The following SUPT16H variants were observed in gnomAD, a reference collection of about 807,000 sequenced individuals.
SUPT16H encodes the protein SPT16 homolog, facilitates chromatin remodeling subunit, also known as FACT complex subunit SPT16.
Under a neutral mutation model 136.2 loss-of-function variants are expected in SUPT16H, and 24 were observed. That is an observed-to-expected ratio of 0.18 (90% CI 0.13 to 0.25). The LOEUF (loss-of-function observed/expected upper bound fraction) is 0.25, where lower values mean the gene tolerates loss of function less well. Ranked by LOEUF, SUPT16H falls within the 10% of genes least tolerant of loss-of-function variation. The probability of loss-of-function intolerance (pLI) is 1.00; values close to 1 mark genes in which losing one functional copy is unlikely to be tolerated. For missense variants in SUPT16H, 623 were observed against 1,270.2 expected (o/e 0.49, Z 7.74); for synonymous variants, 415 against 428.2 (o/e 0.97, Z 0.38).
chr14:21,368,103 T>C (rs920328945), intron 7 of SUPT16H, among the ~76,000 whole-genome samples, 166 bp downstream of exon 7: 2 of 152,076 alleles, frequency 1.3e-5, no homozygotes, highest in Admixed American at 6.6e-5. Flanking sequence ...TAATTTCTTG[T>C]AGAGATATGG....
At chr14:21,366,346 C>T (rs543775495) in intron 8 of SUPT16H, 93 bp downstream of exon 8, 1 of 1,189,954 alleles carries the variant, frequency 8.4e-7, no homozygotes, top group Non-Finnish European at 1.2e-6. Flanking sequence ...TAAATGTTGG[C>T]TGAATCAATC....
At chr14:21,357,102 G>A (rs1886451440) in intron 22 of SUPT16H, 95 bp downstream of exon 22, 18 of 1,264,060 alleles carry the variant, frequency 1.4e-5, no homozygotes, top group Non-Finnish European at 1.7e-5. Flanking sequence ...CTCACTTTAA[G>A]TATATCAGTA....
At chr14:21,370,208 C>A in intron 4 of SUPT16H, 128 bp downstream of exon 4, 1 of 1,286,292 alleles carries the variant, frequency 7.8e-7, no homozygotes, top group South Asian at 1.5e-5. Flanking sequence ...ACTGCTCAGC[C>A]AAAGGGGATA....
intron 6 of SUPT16H, 108 bp downstream of exon 6, chr14:21,369,096 A>G: frequency 4.6e-6 from 6 of 1,304,640 alleles, no homozygotes; most frequent in Non-Finnish European, 6.3e-6. Flanking sequence ...TATACATTAT[A>G]TACTTGTAGC....
intron 24 of SUPT16H, 67 bp from the exon 25 acceptor site, chr14:21,353,632 C>CT: frequency 6.2e-7 from 1 of 1,602,840 alleles, no homozygotes. Context: ...AGTTCTTAGT[C>CT]TAAAAAAAGT....
Position 21,362,960 on chromosome 14 carries a change from A to T in SUPT16H, c.1512-13T>A, listed in dbSNP as rs991869314. 6.2e-7 allele frequency: 1 copy of T among 1,611,926 alleles called. No individual in the cohort carries two copies. The highest frequency in any genetic ancestry group is 1.3e-5 in the African/African-American group (1 of 74,782). On this transcript the variant is annotated splice_polypyrimidine_tract_variant and intron_variant, in intron 13 of 25. Coordinates refer to ENST00000216297, the MANE Select transcript of SUPT16H (RefSeq NM_007192.4). ...AGACTTGCGAGCTCTGGAGTGGGAT[A>T]AAAAAACAACTGAGAAATTTCTGCA...
chr14:21,354,458 C>T lies in SUPT16H; in HGVS notation c.2743G>A (p.Gly915Ser). The T allele has an allele frequency of 6.2e-7, 1 of 1,614,116 alleles. No individual in the cohort carries two copies. Among genetic ancestry groups the T allele is most frequent in the South Asian group, 1.1e-5 (1 of 91,074 alleles). ...IMKTIVDDPE[G>S]FFEQGGWSFL... ...GACCAGCCACCTTGTTCGAAGAAGC[C>T]CTCAGGGTCATCAACAATGGTCTTC... The change falls in exon 23 of 26, where the codon GGC (glycine) becomes AGC (serine). Residue 915 changes from glycine to serine, a missense_variant. By Grantham distance (56) the Gly-to-Ser change is moderately conservative (BLOSUM62 0). This residue lies in a region of SUPT16H where 74 missense variants were observed against 193.8 expected (regional missense o/e 0.38). Coordinates refer to ENST00000216297, the MANE Select transcript of SUPT16H (RefSeq NM_007192.4).
In SUPT16H at chr14:21,368,344, G is replaced by C; in HGVS notation, c.880C>G (p.Pro294Ala). ...SNLVRTLMVD[P>A]SQEVQENYNF... is the part of the protein sequence containing the mutation. ...TAATTTTCTTGAACTTCTTGAGAAG[G>C]ATCAACCATCAAAGTGCGAACAAGG... The change falls in exon 7 of 26, where the codon CCT becomes GCT. Residue 294 changes from proline to alanine, a missense_variant. Around this residue, in one of 7 missense-constraint regions of SUPT16H, gnomAD observed 343 missense variants for 525.7 expected, o/e 0.65. Transcript: ENST00000216297. 2 of 1,614,060 alleles carry C rather than the reference G, an allele frequency of 1.2e-6. No individual in the cohort carries two copies. Among genetic ancestry groups the C allele is most frequent in the Non-Finnish European group, 1.7e-6 (2 of 1,179,976 alleles).
Position 21,352,040 on chromosome 14 carries a change from G to A in SUPT16H, c.*633C>T, listed in dbSNP as rs1886319180. On this transcript the variant is annotated 3_prime_UTR_variant, in exon 26 of 26. Transcript: ENST00000216297. ...GTATGGAGAAAATAACCGAGCCAGG[G>A]AGTATCACTGCTTCTTATGTCTTCC... 6.5e-6 allele frequency: 1 copy of A among 153,690 alleles called. No homozygotes were observed. Among genetic ancestry groups the A allele is most frequent in the Non-Finnish European group, 1.4e-5 (1 of 68,980 alleles). The allele number at this position is 153,690 out of a possible 1,614,324, so 9.5% of individuals were successfully genotyped here. A position where few individuals can be genotyped will look rare whatever the true frequency, so the allele number is the denominator to read the frequency against.
At chr14:21,358,888 T>A (rs980860937) in intron 19 of SUPT16H, among the ~76,000 whole-genome samples, 2 of 141,036 alleles carry the variant, frequency 1.4e-5, no homozygotes, top group African/African-American at 5.3e-5. Context: ...GCCCACAACC[T>A]CTGCCTCCCA....
At position 21,368,316 on chromosome 14, in the gene SUPT16H, T is replaced by G. The variant is rs754001146; in HGVS notation, c.908A>C (p.Asn303Thr). ...DPSQEVQENY[N>T]FLLQLQEELL... ...CTCCTCTTGAAGCTGGAGCAAAAAG[T>G]TATAATTTTCTTGAACTTCTTGAGA... is the stretch of plus-strand genomic sequence containing the variant. The change falls in exon 7 of 26, where the codon AAC becomes ACC. Residue 303 changes from asparagine to threonine, a missense_variant. Coordinates refer to ENST00000216297, the MANE Select transcript of SUPT16H (RefSeq NM_007192.4). 3 of 1,614,074 alleles carry G rather than the reference T, an allele frequency of 1.9e-6. No homozygotes were observed. Among genetic ancestry groups the G allele is most frequent in the Non-Finnish European group, 2.5e-6 (3 of 1,179,992 alleles).
intron 5 of SUPT16H, 87 bp downstream of exon 5, chr14:21,369,663 A>G: frequency 6.6e-7 from 1 of 1,520,752 alleles, no homozygotes. Flanking sequence ...ATTTCAAAGG[A>G]AGCTGAAGAA....
In SUPT16H at chr14:21,353,842, T is replaced by A. The variant is rs373877022; in HGVS notation, c.2791-10A>T. 6.2e-7 allele frequency: 1 copy of A among 1,610,238 alleles called. No homozygotes were observed. The highest frequency in any genetic ancestry group is 1.3e-5 in the African/African-American group (1 of 74,682). ...CTTCAGCATCACTCCCCTGGTGAGT[T>A]AGAGCATAATACTGATTTTTTTTTG... On this transcript the variant is annotated splice_polypyrimidine_tract_variant and intron_variant, in intron 23 of 25. Transcript: ENST00000216297.
rs753533869 is a variant in SUPT16H at position 21,364,892 on chromosome 14, CCTT to C, written c.1165_1167del (p.Lys389del). The C allele has an allele frequency of 2.5e-6, 4 of 1,613,640 alleles. No individual in the cohort carries two copies. Among genetic ancestry groups the C allele is most frequent in the African/African-American group, 1.3e-5 (1 of 75,036 alleles). ...GTTTTCTCTTCTGGCTTTTTCCCCT[CCTT>C]GTTAGTCAGGTCTGAGAATCCTAAA... On this transcript the variant is annotated inframe_deletion, in exon 10 of 26. Coordinates refer to ENST00000216297, the MANE Select transcript of SUPT16H (RefSeq NM_007192.4).
intron 18 of SUPT16H, 125 bp from the exon 19 acceptor site, chr14:21,359,734 GTCA>G (rs1269288773): frequency 3.5e-5 from 39 of 1,103,736 alleles, no homozygotes; most frequent in Non-Finnish European, 4.8e-5. Context: ...CACCCCTGGT[GTCA>G]TCATAAATAA....
intron 1 of SUPT16H, among the ~76,000 whole-genome samples, chr14:21,379,360 C>G (rs1483604829): frequency 6.6e-6 from 1 of 150,518 alleles, no homozygotes; most frequent in Admixed American, 6.6e-5. Flanking sequence ...TGCTTGATCC[C>G]GGGAGGCAGA....
rs369012160 is a variant in SUPT16H at position 21,370,491 on chromosome 14, G to A, written c.331-3C>T. The A allele has an allele frequency of 3.2e-5, 52 of 1,613,558 alleles. No individual in the cohort carries two copies. The East Asian group carries it at 7.4e-4, about 23-fold the overall frequency. On this transcript the variant is annotated splice_region_variant and splice_polypyrimidine_tract_variant and intron_variant, in intron 3 of 25. Coordinates refer to ENST00000216297, the MANE Select transcript of SUPT16H (RefSeq NM_007192.4). ...AAGCTACTCTTATTACTTTCATTCT[G>A]TCAGTGTCATAGGGAAGAAAAGACA...
At chr14:21,370,937 G>A (rs948843501) in intron 3 of SUPT16H, among the ~76,000 whole-genome samples, 2 of 151,960 alleles carry the variant, frequency 1.3e-5, no homozygotes, top group Admixed American at 1.3e-4. Context: ...CAACATGCCC[G>A]GCTAATTTTT....
intron 5 of SUPT16H, 122 bp downstream of exon 5, chr14:21,369,628 A>G: frequency 7.7e-7 from 1 of 1,291,346 alleles, no homozygotes; most frequent in Non-Finnish European, 1.1e-6. Flanking sequence ...TGATGTAATT[A>G]CCACCAACTT....
Sources: allele counts gnomAD v4.1 joint callset (sites outside exome capture counted in the v4.1 genomes callset), GRCh38; gene constraint gnomAD v4.1.1; regional missense constraint gnomAD v4.1.1; transcripts MANE v1.5; gene names NCBI Gene and HGNC (gene_info 2026-07-23, HGNC 2026-07-21).